The following WDR70 variants were observed in gnomAD, a reference collection of about 807,000 sequenced individuals.
The protein encoded by WDR70 is WD repeat-containing protein 70.
In WDR70, 53 loss-of-function variants were observed where a neutral mutation model predicts 88.6. The ratio of observed to expected loss-of-function variants is 0.60; its 90% CI spans 0.48 to 0.75. WDR70 has a LOEUF of 0.75. Ranked by LOEUF, WDR70 falls within the 30% of genes least tolerant of loss-of-function variation. The probability of loss-of-function intolerance (pLI) is 0.00; values close to 1 mark genes in which losing one functional copy is unlikely to be tolerated. For missense variants in WDR70, 610 were observed against 823.2 expected, an observed-to-expected ratio of 0.74 and a Z score of 3.17; for synonymous variants, 280 against 270.0, an observed-to-expected ratio of 1.04 and a Z score of -0.36.
intron 8 of WDR70, among the ~76,000 whole-genome samples, chr5:37,490,674 G>T (rs1740039495): frequency 6.6e-6 from 1 of 152,114 alleles, no homozygotes; most frequent in South Asian, 2.1e-4. Flanking sequence ...CGGGTGTGCT[G>T]GGGCTTTGTT....
chr5:37,687,138 T>TC (rs1483268208), intron 10 of WDR70, among the ~76,000 whole-genome samples: 19 of 152,152 alleles, frequency 1.2e-4, no homozygotes, highest in African/African-American at 4.6e-4. Context: ...GACATTGTTT[T>TC]CAAAGTGTGA....
chr5:37,631,479 TTGTGTACCCAC>T (rs1261384216), intron 10 of WDR70, among the ~76,000 whole-genome samples: 2 of 152,208 alleles, frequency 1.3e-5, no homozygotes, highest in African/African-American at 4.8e-5. Context: ...ACTGCTAACA[TTGTGTACCCAC>T]TGTGTACCAG....
chr5:37,576,028 T>A (rs1009951311), intron 9 of WDR70, among the ~76,000 whole-genome samples: 2 of 147,906 alleles, frequency 1.4e-5, no homozygotes, highest in Non-Finnish European at 3.0e-5. Context: ...AAAAGCAGAT[T>A]TCCTTCCTTC....
At chr5:37,596,594 G>A (rs1242824346) in intron 9 of WDR70, among the ~76,000 whole-genome samples, 1 of 152,098 alleles carries the variant, frequency 6.6e-6, no homozygotes, top group Non-Finnish European at 1.5e-5. Context: ...TTTTGTCAGA[G>A]CAATAGAATA....
chr5:37,392,833 G>A (rs1748882555), intron 4 of WDR70, among the ~76,000 whole-genome samples: 1 of 151,254 alleles, frequency 6.6e-6, no homozygotes, highest in African/African-American at 2.4e-5. Context: ...TTTTAGTAGA[G>A]ATGGGGTTTC....
intron 10 of WDR70, among the ~76,000 whole-genome samples, chr5:37,613,821 A>G (rs925891019): frequency 5.9e-5 from 9 of 152,318 alleles, no homozygotes; most frequent in Admixed American, 5.9e-4. Context: ...TTTAAAAAAA[A>G]TCCAGAAACA....
intron 8 of WDR70, among the ~76,000 whole-genome samples, chr5:37,484,411 C>T (rs969110574): frequency 6.6e-6 from 1 of 152,182 alleles, no homozygotes; most frequent in Non-Finnish European, 1.5e-5. Context: ...GAAAACCAGT[C>T]AGGCGTGGCG....
intron 10 of WDR70, among the ~76,000 whole-genome samples, chr5:37,629,807 T>C (rs1260191899): frequency 6.6e-6 from 1 of 152,218 alleles, no homozygotes; most frequent in Non-Finnish European, 1.5e-5. Context: ...ACTAGAGAAT[T>C]ATGTTTCTCT....
chr5:37,743,427 G>A (rs1748543653), intron 17 of WDR70, among the ~76,000 whole-genome samples: 1 of 152,246 alleles, frequency 6.6e-6, no homozygotes, highest in Non-Finnish European at 1.5e-5. Context: ...AGGGGAAGGG[G>A]TGACCAGCAC....
intron 3 of WDR70, among the ~76,000 whole-genome samples, chr5:37,384,862 C>G: frequency 6.6e-6 from 1 of 151,884 alleles, no homozygotes. Context: ...TCCGGTAACT[C>G]AGTTTAATTC....
At chr5:37,736,427 CTG>C (rs1748306253) in intron 17 of WDR70, among the ~76,000 whole-genome samples, 1 of 152,102 alleles carries the variant, frequency 6.6e-6, no homozygotes, top group South Asian at 2.1e-4. Flanking sequence ...AGAAGCCACT[CTG>C]TGAGCAAGTG....
At chr5:37,543,358 A>T (rs12652433) in intron 9 of WDR70, among the ~76,000 whole-genome samples, 81,102 of 152,028 alleles carry the variant, frequency 0.53, 22,536 homozygotes, top group Non-Finnish European at 0.61. Context: ...TTATGTAGAA[A>T]CCTGTTTATG....
chr5:37,422,703 C>T (rs1749982647), intron 5 of WDR70, among the ~76,000 whole-genome samples: 5 of 152,072 alleles, frequency 3.3e-5, no homozygotes, highest in Admixed American at 3.3e-4. Flanking sequence ...GTCTTGAACT[C>T]CCGACCTCAG....
At chr5:37,601,354 G>T (rs1436637448) in intron 9 of WDR70, among the ~76,000 whole-genome samples, 1 of 152,142 alleles carries the variant, frequency 6.6e-6, no homozygotes, top group East Asian at 1.9e-4. Context: ...AACCATCCTT[G>T]CATACCTGGG....
At chr5:37,544,376 C>T (rs948654513) in intron 9 of WDR70, among the ~76,000 whole-genome samples, 3 of 152,146 alleles carry the variant, frequency 2.0e-5, no homozygotes, top group Non-Finnish European at 1.5e-5. Flanking sequence ...CCTCTCTCCC[C>T]ACAGTCAATA....
At chr5:37,694,841 A>G (rs1032601705) in intron 10 of WDR70, among the ~76,000 whole-genome samples, 5 of 44,642 alleles carry the variant, frequency 1.1e-4, no homozygotes, top group Non-Finnish European at 2.0e-4. Flanking sequence ...AACTTAAAGT[A>G]TAATAATAAT....
chr5:37,581,993 G>C (rs569472316), intron 9 of WDR70, among the ~76,000 whole-genome samples: 2 of 152,064 alleles, frequency 1.3e-5, no homozygotes, highest in East Asian at 3.9e-4. Context: ...TGGGATTGAG[G>C]GAAATGTTTG....
At chr5:37,626,309 G>A (rs1488486550) in intron 10 of WDR70, among the ~76,000 whole-genome samples, 1 of 152,180 alleles carries the variant, frequency 6.6e-6, no homozygotes, top group East Asian at 1.9e-4. Flanking sequence ...TTTATTAAGA[G>A]TTTTTATCAT....
chr5:37,655,756 G>A lies in WDR70; in HGVS notation c.1093-41899G>A, dbSNP rs180752946. On this transcript the variant is annotated intron_variant, in intron 10 of 17. Transcript: ENST00000265107. ...CTATTTATACTTGTGTATGCTTCAC[G>A]AAGTTCTTGTGCTGTGTTTTTCAGC... 1.2e-3 allele frequency among the ~76,000 whole-genome samples: 183 copies of A among 151,548 alleles called. 3 individuals are homozygous for A. The highest frequency in any genetic ancestry group is 4.3e-3 in the African/African-American group (176 of 41,312).
Sources: gnomAD v4.1 joint callset for allele counts (sites outside exome capture counted in the v4.1 genomes callset) on GRCh38, gnomAD v4.1.1 for gene constraint, MANE v1.5 for transcripts, NCBI Gene and HGNC (gene_info 2026-07-23, HGNC 2026-07-21) for gene names.